RHOH: variants seen among roughly 807,000 people sequenced by gnomAD.
RHOH encodes the protein rho-related GTP-binding protein RhoH.
A neutral mutation model predicts 13.8 loss-of-function variants in RHOH; 6 were observed. That is an observed-to-expected ratio of 0.44 (90% CI 0.24 to 0.86). The LOEUF is 0.86. Among genes scored for constraint, RHOH ranks in the 40% least tolerant of loss-of-function variants. RHOH has a pLI of 0.24. For synonymous variants in RHOH, 117 were observed against 103.0 expected (o/e 1.14, Z -0.82); for missense variants, 147 against 244.5 (o/e 0.60, Z 2.66).
At chr4:40,223,835 CGA>C (rs1726908728) in intron 1 of RHOH, among the ~76,000 whole-genome samples, 1 of 137,944 alleles carries the variant, frequency 7.2e-6, no homozygotes, top group Non-Finnish European at 1.5e-5. Flanking sequence ...TGCAATGGCA[CGA>C]TCTTGGCTCA....
At chr4:40,211,190 A>T (rs1725228665) in intron 1 of RHOH, among the ~76,000 whole-genome samples, 1 of 152,216 alleles carries the variant, frequency 6.6e-6, no homozygotes, top group Non-Finnish European at 1.5e-5. Context: ...GTCCCTCAAG[A>T]GGTATGTTTT....
intron 1 of RHOH, chr4:40,209,533 C>T (rs1205415430): frequency 1.3e-5 from 2 of 152,150 alleles, no homozygotes; most frequent in African/African-American, 2.4e-5. Context: ...GCACCTTCCA[C>T]CTCCTGGGGT....
chr4:40,241,572 G>C (rs998527565), intron 1 of RHOH, among the ~76,000 whole-genome samples: 1 of 152,180 alleles, frequency 6.6e-6, no homozygotes, highest in Admixed American at 6.5e-5. Flanking sequence ...TTAAACAACA[G>C]GGACAGTGGG....
Position 40,243,950 on chromosome 4 carries a change from C to A in RHOH, c.564C>A (p.Cys188Ter). ...GGAGGCTCTTCTCCATCAATGAGTGCAAGATCTTCTAAACCCCAAGAGACT... is the reference window on the plus strand; with the variant it reads ...GGAGGCTCTTCTCCATCAATGAGTGAAAGATCTTCTAAACCCCAAGAGACT... ...NRRRLFSINE[C>*]KIF Residue 188 changes from cysteine to a stop codon, truncating the protein, a stop_gained, in exon 3 of 3, where the codon TGC (cysteine) becomes TGA (stop). Coordinates refer to ENST00000381799, the MANE Select transcript of RHOH (RefSeq NM_004310.5). LOFTEE classifies it high-confidence loss of function. This position sits in a 1 kb window ranked among gnomAD's most constrained non-coding sequence, Gnocchi z 6.2. The A allele has an allele frequency of 6.2e-7, 1 of 1,611,976 alleles. No homozygotes were observed. Among genetic ancestry groups the A allele is most frequent in the Non-Finnish European group, 8.5e-7 (1 of 1,178,854 alleles).
At chr4:40,198,396 G>A (rs2109346236) in intron 1 of RHOH, among the ~76,000 whole-genome samples, 1 of 152,358 alleles carries the variant, frequency 6.6e-6, no homozygotes, top group African/African-American at 2.4e-5. Flanking sequence ...AGATTAGACA[G>A]TTAGGGTGTG....
chr4:40,210,908 T>C (rs978559873), intron 1 of RHOH, among the ~76,000 whole-genome samples: 1 of 152,158 alleles, frequency 6.6e-6, no homozygotes, highest in Non-Finnish European at 1.5e-5. Context: ...CTTAGGGAGA[T>C]GATGTTGAAA....
rs78908043 is a variant in RHOH at position 40,221,101 on chromosome 4, T to C, written c.-330-21613T>C. Among the ~76,000 whole-genome samples, 749 of 152,328 alleles carry C rather than the reference T, an allele frequency of 4.9e-3. 20 individuals are homozygous for C. The highest frequency in any genetic ancestry group is 0.042 in the South Asian group (203 of 4,826). ...GCAATTGAGGGAGTAACTGCTATGT[T>C]CCTAGTACAATTTATTCTATAGAGG... On this transcript the variant is annotated intron_variant, in intron 1 of 2. Coordinates refer to ENST00000381799, the MANE Select transcript of RHOH (RefSeq NM_004310.5).
intron 1 of RHOH, among the ~76,000 whole-genome samples, chr4:40,203,199 C>T (rs950296055): frequency 2.0e-5 from 3 of 152,166 alleles, no homozygotes; most frequent in Non-Finnish European, 2.9e-5. Context: ...GTCTCGATCT[C>T]CTGACCTCGT....
chr4:40,229,212 C>G (rs1553858680), intron 1 of RHOH, among the ~76,000 whole-genome samples: 1 of 152,232 alleles, frequency 6.6e-6, no homozygotes, highest in Non-Finnish European at 1.5e-5. Context: ...AGCCTCTGTG[C>G]TGTCATCCTT....
intron 1 of RHOH, among the ~76,000 whole-genome samples, chr4:40,234,433 T>G (rs1728308402): frequency 6.6e-6 from 1 of 152,142 alleles, no homozygotes; most frequent in Admixed American, 6.5e-5. Context: ...GACTAAGAAC[T>G]CTAGACCTCA....
intron 1 of RHOH, among the ~76,000 whole-genome samples, chr4:40,220,181 C>T (rs1726380412): frequency 1.3e-5 from 2 of 152,140 alleles, no homozygotes; most frequent in Admixed American, 6.5e-5. Context: ...CACGTGCACA[C>T]CTGGGCACCA....
chr4:40,223,466 C>CTTTTTTTT (rs36119984), intron 1 of RHOH, among the ~76,000 whole-genome samples: 1 of 94,472 alleles, frequency 1.1e-5, no homozygotes, highest in Non-Finnish European at 2.1e-5. Flanking sequence ...TGATTGTTAG[C>CTTTTTTTT]TTTTTTTTTT....
At chr4:40,239,616 C>T (rs6531768) in intron 1 of RHOH, among the ~76,000 whole-genome samples, 91,344 of 152,064 alleles carry the variant, frequency 0.6, 29,214 homozygotes, top group Non-Finnish European at 0.71. Flanking sequence ...CAGTGGCTCA[C>T]GCCTGTAATC....
chr4:40,204,985 G>A (rs1361701013), intron 1 of RHOH, among the ~76,000 whole-genome samples: 3 of 151,722 alleles, frequency 2.0e-5, no homozygotes, highest in East Asian at 1.9e-4. Context: ...AGGCAGGGCC[G>A]GGCGAGGTGG....
At chr4:40,212,556 T>TA (rs1241741285) in intron 1 of RHOH, 2 of 152,128 alleles carry the variant, frequency 1.3e-5, no homozygotes, top group Non-Finnish European at 1.5e-5. Context: ...GGTGATTTTT[T>TA]AAAAAACTTC....
At chr4:40,195,647 C>T (rs1002138130), upstream of RHOH, among the ~76,000 whole-genome samples, 3 of 151,926 alleles carry the variant, frequency 2.0e-5, no homozygotes, top group East Asian at 1.9e-4. Flanking sequence ...GATCTCACTA[C>T]GTTGCCCAGG....
At chr4:40,208,607 C>T (rs1724912421) in intron 1 of RHOH, among the ~76,000 whole-genome samples, 2 of 152,230 alleles carry the variant, frequency 1.3e-5, no homozygotes, top group African/African-American at 4.8e-5. Flanking sequence ...AGGAGGCTTT[C>T]GAAAGGCCTT....
chr4:40,221,236 C>T (rs891002845), intron 1 of RHOH, among the ~76,000 whole-genome samples: 2 of 152,158 alleles, frequency 1.3e-5, no homozygotes, highest in Admixed American at 6.5e-5. Flanking sequence ...GAAGATAGAT[C>T]GCACCAGACA....
chr4:40,193,964 C>T (rs1433249364), upstream of RHOH, among the ~76,000 whole-genome samples: 2 of 152,154 alleles, frequency 1.3e-5, no homozygotes, highest in Admixed American at 1.3e-4. Context: ...GCGTTTCTTG[C>T]TTTGTTTCCC....
Sources: allele counts gnomAD v4.1 joint callset (sites outside exome capture counted in the v4.1 genomes callset), GRCh38; gene constraint gnomAD v4.1.1; non-coding constraint Gnocchi (gnomAD v3.1); transcripts MANE v1.5; gene names NCBI Gene and HGNC (gene_info 2026-07-23, HGNC 2026-07-21).